The following UBE3B variants were observed in gnomAD, a reference collection of about 807,000 sequenced individuals.
UBE3B encodes ubiquitin protein ligase E3B.
Under a neutral mutation model 132.3 loss-of-function variants are expected in UBE3B, and 80 were observed. The ratio of observed to expected loss-of-function variants is 0.60; its 90% CI spans 0.50 to 0.73. The LOEUF is 0.73. UBE3B is among the 30% of genes least tolerant of loss of function. The probability of loss-of-function intolerance (pLI) is 0.00; values close to 1 mark genes in which losing one functional copy is unlikely to be tolerated. For missense variants in UBE3B, 1,196 were observed against 1,362.5 expected, an observed-to-expected ratio of 0.88 and a Z score of 1.92; for synonymous variants, 487 against 520.4, an observed-to-expected ratio of 0.94 and a Z score of 0.87.
chr12:109,532,156 A>T (rs1227763642), intron 26 of UBE3B, among the ~76,000 whole-genome samples: 2 of 152,116 alleles, frequency 1.3e-5, no homozygotes, highest in African/African-American at 4.8e-5. Flanking sequence ...CAGCGGGCAG[A>T]CCTGAGCCGG....
At position 109,522,707 on chromosome 12, in the gene UBE3B, C is replaced by T. The variant is rs541736923; in HGVS notation, c.2364+1156C>T. On this transcript the variant is annotated intron_variant, in intron 21 of 27. Transcript: ENST00000342494. The surrounding 1 kb of genome is among the most constrained non-coding windows in gnomAD (Gnocchi z 4.2). The stretch of plus-strand genomic sequence containing the variant: ...TCTCTGTCTGGAAACAGTCTATGTG[C>T]ACCGGCCTCAGTCCCTGGCCATGAT... Among the ~76,000 whole-genome samples, 5 of 152,338 alleles carry T rather than the reference C, an allele frequency of 3.3e-5. No homozygotes were observed. In the South Asian group the frequency reaches 8.3e-4, roughly 25 times the overall value.
intron 19 of UBE3B, chr12:109,517,854 C>T: frequency 2.5e-6 from 1 of 395,216 alleles, no homozygotes; most frequent in Admixed American, 2.7e-5. Context: ...GCTGTTCCTC[C>T]TCACGTGTCT....
At chr12:109,545,959 C>T in the UBE3B span, among the ~76,000 whole-genome samples, 1 of 152,080 alleles carries the variant, frequency 6.6e-6, no homozygotes, top group South Asian at 2.1e-4. Context: ...GGAAGCTCAC[C>T]GGGTAGAGGG....
chr12:109,485,938 G>A, intron 4 of UBE3B, 74 bp from the exon 5 acceptor site: 3 of 1,530,546 alleles, frequency 2.0e-6, no homozygotes, highest in South Asian at 2.4e-5. Context: ...GGTACCCGCT[G>A]AAGGCTTGTT....
chr12:109,484,245 TATATG>T (rs1180516111), intron 4 of UBE3B, among the ~76,000 whole-genome samples: 3 of 152,010 alleles, frequency 2.0e-5, no homozygotes, highest in Non-Finnish European at 1.5e-5. Flanking sequence ...AAAAAAAACA[TATATG>T]AGATAAAACA....
Position 109,521,093 on chromosome 12 carries a change from A to G in UBE3B, c.2077-55A>G. On this transcript the variant is annotated intron_variant, in intron 19 of 27. Transcript: ENST00000342494. This position sits in a 1 kb window ranked among gnomAD's most constrained non-coding sequence, Gnocchi z 4.2. ...TCGCACAGAGGAGAGGGAACCCCGA[A>G]TTGTGTGCATAAGGCTTTGGGCTTC... 1.9e-6 allele frequency: 3 copies of G among 1,592,190 alleles called. No homozygotes were observed. Among genetic ancestry groups the G allele is most frequent in the Middle Eastern group, 1.9e-4 (1 of 5,154 alleles).
At position 109,534,365 on chromosome 12, in the gene UBE3B, C is replaced by A; in HGVS notation, c.3016-226C>A. 7.1e-7 allele frequency: 1 copy of A among 1,416,224 alleles called. No homozygotes were observed. The highest frequency in any genetic ancestry group is 3.1e-5 in the Admixed American group (1 of 32,454). 87.7% of individuals were successfully genotyped at this position (1,416,224 alleles called of 1,614,324 possible). ...CCCATTTCCAAAAGCTTACTTAGTG[C>A]AGGAATTCTCTGTGCAGGCCCCAGG... On this transcript the variant is annotated intron_variant, in intron 27 of 27. Coordinates refer to ENST00000342494, the MANE Select transcript of UBE3B (RefSeq NM_130466.4). The surrounding 1 kb of genome is among the most constrained non-coding windows in gnomAD (Gnocchi z 5.2).
downstream of UBE3B, among the ~76,000 whole-genome samples, chr12:109,539,853 G>T (rs1000685710): frequency 1.3e-5 from 2 of 152,018 alleles, no homozygotes; most frequent in Non-Finnish European, 2.9e-5. Context: ...TGCACTGGGG[G>T]CAGCAGCTCC....
chr12:109,515,865 A>C (rs1209493328), intron 18 of UBE3B, among the ~76,000 whole-genome samples: 1 of 151,930 alleles, frequency 6.6e-6, no homozygotes, highest in Admixed American at 6.6e-5. Flanking sequence ...TCTTAAGAAT[A>C]AGGAGAGAGG....
chr12:109,500,812 A>G (rs1214052495), intron 12 of UBE3B, among the ~76,000 whole-genome samples: 1 of 152,218 alleles, frequency 6.6e-6, no homozygotes, highest in East Asian at 1.9e-4. Flanking sequence ...TGAAGCACCT[A>G]CCAGCAGGCA....
At chr12:109,487,408 C>T (rs184868169) in intron 6 of UBE3B, among the ~76,000 whole-genome samples, 11 of 152,334 alleles carry the variant, frequency 7.2e-5, no homozygotes, top group East Asian at 5.8e-4. Context: ...AGTAATGGAA[C>T]GAAAGTCCCC....
intron 12 of UBE3B, among the ~76,000 whole-genome samples, chr12:109,500,610 A>G (rs901166822): frequency 2.0e-5 from 3 of 152,162 alleles, no homozygotes; most frequent in African/African-American, 7.2e-5. Context: ...AGGTGCTGAG[A>G]GTCAGGAGGC....
At chr12:109,526,202 C>A (rs1186278478) in intron 23 of UBE3B, among the ~76,000 whole-genome samples, 156 bp from the exon 24 acceptor site, 1 of 152,150 alleles carries the variant, frequency 6.6e-6, no homozygotes, top group Non-Finnish European at 1.5e-5. Context: ...GTTGATATTT[C>A]AGCCTTGACT....
intron 24 of UBE3B, among the ~76,000 whole-genome samples, chr12:109,529,663 T>C (rs753509600): frequency 1.3e-5 from 2 of 152,140 alleles, no homozygotes; most frequent in African/African-American, 2.4e-5. Context: ...GAGGAGTGAA[T>C]GATGCAGTGC....
intron 18 of UBE3B, among the ~76,000 whole-genome samples, chr12:109,515,062 C>G (rs946575658): frequency 2.7e-5 from 4 of 150,614 alleles, no homozygotes; most frequent in Non-Finnish European, 3.0e-5. Flanking sequence ...TACAGGTGCT[C>G]GCCACCACGC....
At chr12:109,530,308 C>G (rs907221014) in intron 25 of UBE3B, among the ~76,000 whole-genome samples, 1 of 152,204 alleles carries the variant, frequency 6.6e-6, no homozygotes, top group Admixed American at 6.5e-5. Flanking sequence ...GAGATGGGGT[C>G]AGAGGATCTG....
chr12:109,539,002 G>A (rs1018647138), downstream of UBE3B, among the ~76,000 whole-genome samples: 2 of 152,212 alleles, frequency 1.3e-5, no homozygotes, highest in Admixed American at 1.3e-4. Context: ...TTGGGAGGCT[G>A]AGGCGGGCAG....
At position 109,511,303 on chromosome 12, in the gene UBE3B, CGTGA is replaced by C. The variant is rs760864407; in HGVS notation, c.1956+3_1956+6del. On this transcript the variant is annotated splice_donor_variant and splice_donor_region_variant and intron_variant, in intron 18 of 27. Coordinates refer to ENST00000342494, the MANE Select transcript of UBE3B (RefSeq NM_130466.4). LOFTEE classifies it high-confidence loss of function. Reference sequence around the variant, plus strand: ...TCCCACATGTCATCCCTCACAAAAACGTGAGTTGCACTCAGAGCTGGGCCCCGAT... The same window carrying C: ...TCCCACATGTCATCCCTCACAAAAACGTTGCACTCAGAGCTGGGCCCCGAT... 1.2e-6 allele frequency: 2 copies of C among 1,613,718 alleles called. No individual in the cohort carries two copies. The highest frequency in any genetic ancestry group is 2.7e-5 in the African/African-American group (2 of 74,930).
At chr12:109,500,707 TTGC>T (rs1566088091) in intron 12 of UBE3B, among the ~76,000 whole-genome samples, 1 of 152,232 alleles carries the variant, frequency 6.6e-6, no homozygotes, top group Non-Finnish European at 1.5e-5. Flanking sequence ...CTTGGACGAC[TTGC>T]TTTGCCTTGC....
Sources: allele counts gnomAD v4.1 joint callset (sites outside exome capture counted in the v4.1 genomes callset), GRCh38; gene constraint gnomAD v4.1.1; non-coding constraint Gnocchi (gnomAD v3.1); transcripts MANE v1.5; gene names NCBI Gene and HGNC (gene_info 2026-07-23, HGNC 2026-07-21).